PDSS2: variants seen among roughly 807,000 people sequenced by gnomAD.
PDSS2 encodes decaprenyl diphosphate synthase subunit 2.
PDSS2 carries 31 observed loss-of-function variants against 44.5 expected under a neutral mutation model. That is an observed-to-expected ratio of 0.70 (90% CI 0.52 to 0.94). The LOEUF is 0.94. Ranked by LOEUF, PDSS2 falls within the 40% of genes least tolerant of loss-of-function variation. The pLI is 0.00. For missense variants in PDSS2, 452 were observed against 482.2 expected (o/e 0.94, Z 0.59); for synonymous variants, 157 against 180.3 (o/e 0.87, Z 1.03).
intron 3 of PDSS2, among the ~76,000 whole-genome samples, chr6:107,249,449 C>T (rs1468512588): frequency 6.6e-6 from 1 of 152,142 alleles, no homozygotes; most frequent in African/African-American, 2.4e-5. Flanking sequence ...CTTGCTGCAT[C>T]CTGAAATATT....
At chr6:107,430,931 C>CA (rs1308075813) in intron 1 of PDSS2, among the ~76,000 whole-genome samples, 5 of 152,150 alleles carry the variant, frequency 3.3e-5, no homozygotes, top group Non-Finnish European at 1.5e-5. Flanking sequence ...TATTGTAATT[C>CA]AAAAAAATTA....
intron 4 of PDSS2, among the ~76,000 whole-genome samples, chr6:107,233,349 C>G (rs138502677): frequency 0.01 from 1,566 of 152,270 alleles, 10 homozygotes; most frequent in South Asian, 0.027. Context: ...TTCTTGAGGG[C>G]TGGCCTGTGT....
intron 4 of PDSS2, among the ~76,000 whole-genome samples, chr6:107,225,381 G>A (rs887928124): frequency 6.0e-5 from 9 of 151,084 alleles, no homozygotes; most frequent in Non-Finnish European, 1.3e-4. Flanking sequence ...TTGAACTCCT[G>A]ACCTTGTGAT....
At chr6:107,295,005 CT>C (rs1284263003) in intron 2 of PDSS2, among the ~76,000 whole-genome samples, 5 of 152,314 alleles carry the variant, frequency 3.3e-5, no homozygotes, top group Admixed American at 6.5e-5. Context: ...TCTTGGCTCA[CT>C]GCAACCTCTG....
rs748159864 is a variant in PDSS2, at chr6:107,245,543, T to C, written c.702+5A>G. On this transcript the variant is annotated splice_donor_5th_base_variant and intron_variant, in intron 4 of 7. Coordinates refer to ENST00000369037, the MANE Select transcript of PDSS2 (RefSeq NM_020381.4). The stretch of plus-strand genomic sequence containing the variant: ...ATAACATTTTATGACTCTGAAATCC[T>C]TTACCTTTGAAGTAGAATTTTCATG... 6.6e-7 allele frequency: 1 copy of C among 1,523,612 alleles called. No individual in the cohort carries two copies. Among genetic ancestry groups the C allele is most frequent in the Non-Finnish European group, 9.1e-7 (1 of 1,102,892 alleles). The allele number at this position is 1,523,612 out of a possible 1,614,324, so 94.4% of individuals were successfully genotyped here. A position where few individuals can be genotyped will look rare whatever the true frequency, so the allele number is the denominator to read the frequency against.
intron 4 of PDSS2, 37 bp from the exon 5 acceptor site, chr6:107,212,319 T>C (rs1773249186): frequency 6.7e-7 from 1 of 1,492,752 alleles, no homozygotes; most frequent in African/African-American, 1.4e-5. Context: ...AAAAAGACTT[T>C]AGGAGTAATT....
rs542185936 is a variant in PDSS2 at position 107,341,780 on chromosome 6, A to G, written c.297-7448T>C. ...TTCCATGGGCTTTCATGGACTTACTATAAACCTCTAGTTTGGCACTTAACA... is the reference window on the plus strand; with the variant it reads ...TTCCATGGGCTTTCATGGACTTACTGTAAACCTCTAGTTTGGCACTTAACA... On this transcript the variant is annotated intron_variant, in intron 1 of 7. Transcript: ENST00000369037. Among the ~76,000 whole-genome samples the G allele has an allele frequency of 1.2e-4, 18 of 152,290 alleles. No homozygotes were observed. In the East Asian group the frequency reaches 3.1e-3, roughly 26 times the overall value.
chr6:107,280,479 C>T (rs925463850), intron 2 of PDSS2, among the ~76,000 whole-genome samples: 6 of 152,186 alleles, frequency 3.9e-5, no homozygotes, highest in Non-Finnish European at 1.5e-5. Flanking sequence ...CAAGATTTTT[C>T]ACCAAATCAC....
At chr6:107,364,403 A>G (rs971416196) in intron 1 of PDSS2, among the ~76,000 whole-genome samples, 3 of 151,458 alleles carry the variant, frequency 2.0e-5, no homozygotes, top group Admixed American at 6.5e-5. Context: ...GAAGGCAGCT[A>G]AGGCCCGGCG....
chr6:107,279,143 C>T (rs978847848), intron 2 of PDSS2, among the ~76,000 whole-genome samples: 1 of 151,726 alleles, frequency 6.6e-6, no homozygotes, highest in African/African-American at 2.4e-5. Context: ...CGCTTCAACC[C>T]GGGAGGCGGA....
At chr6:107,342,875 T>C (rs1262315398) in intron 1 of PDSS2, among the ~76,000 whole-genome samples, 1 of 152,194 alleles carries the variant, frequency 6.6e-6, no homozygotes, top group Non-Finnish European at 1.5e-5. Flanking sequence ...AAGCTCAAAA[T>C]ACCCCAAAGT....
intron 7 of PDSS2, among the ~76,000 whole-genome samples, chr6:107,178,768 C>T (rs1237247464): frequency 6.6e-6 from 1 of 152,144 alleles, no homozygotes; most frequent in Non-Finnish European, 1.5e-5. Context: ...CATCTGTAAT[C>T]CCAGCACTTT....
chr6:107,200,572 T>G (rs1772733915), intron 6 of PDSS2, among the ~76,000 whole-genome samples: 1 of 152,228 alleles, frequency 6.6e-6, no homozygotes, highest in Non-Finnish European at 1.5e-5. Flanking sequence ...AACAACTATG[T>G]AAACTCCATA....
At chr6:107,447,263 G>C (rs888656897) in intron 1 of PDSS2, among the ~76,000 whole-genome samples, 2 of 152,128 alleles carry the variant, frequency 1.3e-5, no homozygotes, top group Non-Finnish European at 2.9e-5. Context: ...GTGAACCCAG[G>C]AGGCAGAGCT....
At chr6:107,167,029 T>C (rs1249571867) in intron 7 of PDSS2, among the ~76,000 whole-genome samples, 30 of 152,208 alleles carry the variant, frequency 2.0e-4, no homozygotes, top group African/African-American at 7.2e-4. Context: ...TTTCTATTCA[T>C]TGGAATAGTT....
At chr6:107,310,804 A>G (rs1207071460) in intron 2 of PDSS2, among the ~76,000 whole-genome samples, 2 of 152,192 alleles carry the variant, frequency 1.3e-5, no homozygotes, top group Non-Finnish European at 2.9e-5. Context: ...TTGTCAGTTT[A>G]TCTATGCAGG....
At chr6:107,392,839 A>G (rs1218037355) in intron 1 of PDSS2, among the ~76,000 whole-genome samples, 1 of 152,128 alleles carries the variant, frequency 6.6e-6, no homozygotes, top group Non-Finnish European at 1.5e-5. Context: ...CCAGACTTCA[A>G]GCTTGGCACT....
chr6:107,170,892 C>T (rs1554248425), intron 7 of PDSS2, among the ~76,000 whole-genome samples: 2 of 152,030 alleles, frequency 1.3e-5, no homozygotes, highest in Admixed American at 1.3e-4. Flanking sequence ...GGATTACAGG[C>T]ATGAGCCACT....
rs1375698941 is a variant in PDSS2 at position 107,273,482 on chromosome 6, A to C, written c.630+547T>G. Among the ~76,000 whole-genome samples the C allele has an allele frequency of 2.6e-5, 4 of 152,342 alleles. No homozygotes were observed. The East Asian group carries it at 7.7e-4, about 29-fold the overall frequency. The stretch of plus-strand genomic sequence containing the variant: ...ATAAGAAGCAACCTAAATGTCCAAC[A>C]ATGAGGAATCTGATAAACAAGTGGT... On this transcript the variant is annotated intron_variant, in intron 3 of 7. Transcript: ENST00000369037.
Sources: allele counts gnomAD v4.1 joint callset (sites outside exome capture counted in the v4.1 genomes callset), GRCh38; gene constraint gnomAD v4.1.1; transcripts MANE v1.5; gene names NCBI Gene and HGNC (gene_info 2026-07-23, HGNC 2026-07-21).